The following XBP1 variants were observed in gnomAD, a reference collection of about 807,000 sequenced individuals.
XBP1 encodes the protein X-box-binding protein 1.
In XBP1, 18 loss-of-function variants were observed where a neutral mutation model predicts 34.6. The observed-to-expected ratio is 0.52, with a 90% CI of 0.36 to 0.77. The LOEUF (loss-of-function observed/expected upper bound fraction) is 0.77, where lower values mean the gene tolerates loss of function less well. XBP1 is among the 30% of genes least tolerant of loss of function. XBP1 has a pLI of 0.00. For missense variants in XBP1, 422 were observed against 464.6 expected (o/e 0.91, Z 0.84); for synonymous variants, 191 against 193.4 (o/e 0.99, Z 0.11).
intron 5 of XBP1, 112 bp downstream of exon 5, chr22:28,795,935 A>C: frequency 6.9e-7 from 1 of 1,441,704 alleles, no homozygotes; most frequent in Non-Finnish European, 9.6e-7. Context: ...TTCACCTCCA[A>C]CCCCACCAAA....
rs935965736 is a variant in XBP1 at position 28,800,289 on chromosome 22, C to T, written c.227+9G>A. Reference sequence around the variant, plus strand: ...CAGATCTGGCCCCAGACCCCGGCCCCTCGCCCACCTCCTCAGCGCCTTCTC... The same window carrying T: ...CAGATCTGGCCCCAGACCCCGGCCCTTCGCCCACCTCCTCAGCGCCTTCTC... On this transcript the variant is annotated intron_variant, in intron 1 of 5. Coordinates refer to ENST00000344347, the Ensembl canonical transcript of XBP1. 1.9e-6 allele frequency: 3 copies of T among 1,552,082 alleles called. No individual in the cohort carries two copies. The East Asian group carries it at 7.3e-5, about 38-fold the overall frequency.
At chr22:28,797,823 A>G (rs1756175957) in intron 2 of XBP1, among the ~76,000 whole-genome samples, 1 of 151,386 alleles carries the variant, frequency 6.6e-6, no homozygotes, top group Non-Finnish European at 1.5e-5. Context: ...ATAATATAAA[A>G]TAAAAATAAA....
chr22:28,800,318 G>A (rs2228260), exon 1 of XBP1: 51,531 of 1,555,012 alleles, frequency 0.033, 1,709 homozygotes, highest in East Asian at 0.11. Context: ...CCTTCTCCTC[G>A]GGGCTCAGGT....
downstream of XBP1, chr22:28,795,039 T>G: frequency 1.3e-6 from 1 of 790,554 alleles, no homozygotes; most frequent in Non-Finnish European, 1.9e-6. Flanking sequence ...ATCTATGAGA[T>G]CTGAACAAAT....
chr22:28,795,691 G>A (rs758296610), exon 6 of XBP1: 1 of 1,566,444 alleles, frequency 6.4e-7, no homozygotes, highest in Non-Finnish European at 8.6e-7. Context: ...TGAAGAACAT[G>A]ACTGGGTCCA....
intron 2 of XBP1, among the ~76,000 whole-genome samples, chr22:28,797,478 A>T (rs1184282759): frequency 6.6e-6 from 1 of 150,744 alleles, no homozygotes; most frequent in African/African-American, 2.4e-5. Flanking sequence ...TGTAGATATA[A>T]TTTTTTTTTT....
chr22:28,799,569 C>T (rs937575876), intron 1 of XBP1, among the ~76,000 whole-genome samples: 1 of 152,212 alleles, frequency 6.6e-6, no homozygotes, highest in Non-Finnish European at 1.5e-5. Context: ...ATCAACCCTC[C>T]GTCCCCCAGT....
rs987220301 is a variant in XBP1, at chr22:28,797,220, A to C, written c.325-15T>G. On this transcript the variant is annotated splice_polypyrimidine_tract_variant and intron_variant, in intron 2 of 5. Coordinates refer to ENST00000344347, the Ensembl canonical transcript of XBP1. ...AGTTTTTGGTTCTGGAAGAAAGTTC[A>C]TAAGAGGCTATTAAAACATCTAATT... 6.8e-6 allele frequency: 11 copies of C among 1,609,686 alleles called. No individual in the cohort carries two copies. The highest frequency in any genetic ancestry group is 2.2e-5 in the South Asian group (2 of 90,478).
At chr22:28,795,919 T>C (rs1470252583) in intron 5 of XBP1, 128 bp downstream of exon 5, 2 of 1,333,902 alleles carry the variant, frequency 1.5e-6, no homozygotes, top group Non-Finnish European at 2.1e-6. Flanking sequence ...AGGAAGGTAG[T>C]TGATGTTCAC....
chr22:28,800,312 C>T, exon 1 of XBP1: 1 of 1,556,614 alleles, frequency 6.4e-7, no homozygotes, highest in Non-Finnish European at 8.7e-7. Flanking sequence ...TCAGCGCCTT[C>T]TCCTCGGGGC....
intron 3 of XBP1, 77 bp from the exon 4 acceptor site, chr22:28,796,269 C>G (rs1021483869): frequency 6.6e-6 from 9 of 1,371,406 alleles, no homozygotes; most frequent in Non-Finnish European, 8.7e-6. Context: ...TGATTCTCAA[C>G]TTTAAAGAAT....
chr22:28,800,384 G>A, exon 1 of XBP1: 1 of 1,534,540 alleles, frequency 6.5e-7, no homozygotes. Flanking sequence ...CTGCCTCCGG[G>A]CTGGCCCCTC....
chr22:28,800,554 G>A (rs983780358), upstream of XBP1: 2 of 1,468,574 alleles, frequency 1.4e-6, no homozygotes, highest in Admixed American at 2.5e-5. Context: ...CGCACCGCGC[G>A]CCGCAGCCGC....
chr22:28,800,440 C>T, exon 1 of XBP1: 1 of 1,478,204 alleles, frequency 6.8e-7, no homozygotes, highest in Admixed American at 2.6e-5. Context: ...GCCGGGGCTC[C>T]GGCGGCGGAG....
intron 2 of XBP1, chr22:28,798,768 CTTTTTTTTTTT>C (rs71196604): frequency 2.4e-5 from 3 of 125,292 alleles, no homozygotes; most frequent in African/African-American, 1.0e-4. Flanking sequence ...CACGCTTGGC[CTTTTTTTTTTT>C]TTTTTTTTTG....
chr22:28,795,882 A>C, intron 5 of XBP1, 150 bp from the exon 6 acceptor site: 1 of 1,220,216 alleles, frequency 8.2e-7, no homozygotes, highest in South Asian at 1.4e-5. Context: ...TCTACACTTC[A>C]CTCCATGTTC....
intron 3 of XBP1, 184 bp downstream of exon 3, chr22:28,796,893 C>T (rs2031761427): frequency 1.6e-6 from 1 of 624,236 alleles, no homozygotes; most frequent in Admixed American, 3.4e-5. Context: ...TCACTACACA[C>T]TTAAAAAATG....
Position 28,797,516 on chromosome 22 carries a change from C to A in XBP1, c.325-311G>T, listed in dbSNP as rs369372362. Among the ~76,000 whole-genome samples, 25 of 152,042 alleles carry A rather than the reference C, an allele frequency of 1.6e-4. No individual in the cohort carries two copies. The East Asian group carries it at 3.9e-3, about 23-fold the overall frequency. ...ACTATCTTGGCCAGGCTCGGTGGCT[C>A]ACACTTGTAATCCTAACACTTTGGG... On this transcript the variant is annotated intron_variant, in intron 2 of 5. Coordinates refer to ENST00000344347, the Ensembl canonical transcript of XBP1.
intron 1 of XBP1, chr22:28,800,029 G>A (rs774170477): frequency 5.1e-6 from 4 of 778,900 alleles, no homozygotes; most frequent in Non-Finnish European, 9.6e-6. Flanking sequence ...GAAGACAGGT[G>A]CCCGCATCCC....
Sources: allele counts gnomAD v4.1 joint callset (sites outside exome capture counted in the v4.1 genomes callset), GRCh38; gene constraint gnomAD v4.1.1; transcripts MANE v1.5; gene names NCBI Gene and HGNC (gene_info 2026-07-23, HGNC 2026-07-21).